USO1: variants seen among roughly 807,000 people sequenced by gnomAD.
USO1 encodes general vesicular transport factor p115.
A neutral mutation model predicts 124.5 loss-of-function variants in USO1; 57 were observed. That is an observed-to-expected ratio of 0.46 (90% CI 0.37 to 0.57). USO1 has a LOEUF of 0.57. Ranked by LOEUF, USO1 falls within the 20% of genes least tolerant of loss-of-function variation. The pLI, the probability that USO1 is intolerant of heterozygous loss-of-function variation, is 0.00. For synonymous variants in USO1, 369 were observed against 362.8 expected (o/e 1.02, Z -0.19); for missense variants, 900 against 1,040.6 (o/e 0.86, Z 1.86).
chr4:75,771,867 T>C (rs1486579777), intron 7 of USO1, among the ~76,000 whole-genome samples: 2 of 152,240 alleles, frequency 1.3e-5, no homozygotes, highest in East Asian at 3.8e-4. Context: ...ATATTTAAAA[T>C]AGCAATTAGA....
chr4:75,744,169 G>A (rs912041655), intron 1 of USO1, among the ~76,000 whole-genome samples: 44 of 152,204 alleles, frequency 2.9e-4, no homozygotes, highest in African/African-American at 1.0e-3. Flanking sequence ...TCTGAAGTTA[G>A]TTTATTATAA....
chr4:75,813,483 C>A lies in USO1; in HGVS notation c.*188C>A. Reference sequence around the variant, plus strand: ...ACCTTAAAACTGAATTTATGTAGAACACACATCTTTTATTTAAATCCATCT... The same window carrying A: ...ACCTTAAAACTGAATTTATGTAGAAAACACATCTTTTATTTAAATCCATCT... On this transcript the variant is annotated 3_prime_UTR_variant, in exon 24 of 24. Coordinates refer to ENST00000514213, the MANE Select transcript of USO1 (RefSeq NM_003715.4). 1 of 491,890 alleles carries A rather than the reference C, an allele frequency of 2.0e-6. No homozygotes were observed. Among genetic ancestry groups the A allele is most frequent in the Non-Finnish European group, 3.2e-6 (1 of 309,474 alleles). The allele number at this position is 491,890 out of a possible 1,614,324, so 30.5% of individuals were successfully genotyped here. A position where few individuals can be genotyped will look rare whatever the true frequency, so the allele number is the denominator to read the frequency against.
At chr4:75,794,040 G>A (rs1244058473) in intron 13 of USO1, 139 bp downstream of exon 13, 2 of 1,339,342 alleles carry the variant, frequency 1.5e-6, no homozygotes, top group Non-Finnish European at 2.0e-6. Context: ...ATCAGAAACA[G>A]TTTTGTGGAG....
At chr4:75,803,087 C>CAA (rs34627696) in intron 17 of USO1, among the ~76,000 whole-genome samples, 1,376 of 111,330 alleles carry the variant, frequency 0.012, 18 homozygotes, top group Non-Finnish European at 0.019. Flanking sequence ...AACTCTGTCT[C>CAA]AAAAAAAAAA....
chr4:75,775,097 T>A (rs1722037382), intron 8 of USO1, among the ~76,000 whole-genome samples: 1 of 152,182 alleles, frequency 6.6e-6, no homozygotes, highest in Admixed American at 6.5e-5. Flanking sequence ...CTTTTGCAGA[T>A]TTGGTGATAG....
chr4:75,757,878 ATTAT>A (rs1397645171), intron 4 of USO1, among the ~76,000 whole-genome samples: 1 of 152,100 alleles, frequency 6.6e-6, no homozygotes, highest in African/African-American at 2.4e-5. Context: ...GGATTAAATA[ATTAT>A]TTATGGCTAT....
chr4:75,759,658 C>T (rs569833048), intron 4 of USO1, among the ~76,000 whole-genome samples: 15 of 151,220 alleles, frequency 9.9e-5, no homozygotes, highest in African/African-American at 3.4e-4. Flanking sequence ...CCTGTAATCC[C>T]AGTACTTCGG....
rs144739614 is a variant in USO1 at position 75,805,127 on chromosome 4, G to T, written c.2126-13G>T. 1 of 1,549,340 alleles carries T rather than the reference G, an allele frequency of 6.5e-7. No individual in the cohort carries two copies. The highest frequency in any genetic ancestry group is 1.2e-5 in the South Asian group (1 of 81,336). Reference sequence around the variant, plus strand: ...TTCCCGTTGGCTTTTAAAATGTTATGTCTGTCTAACAGGAAAAGACAATCA... The same window carrying T: ...TTCCCGTTGGCTTTTAAAATGTTATTTCTGTCTAACAGGAAAAGACAATCA... On this transcript the variant is annotated splice_polypyrimidine_tract_variant and intron_variant, in intron 18 of 23. Coordinates refer to ENST00000514213, the MANE Select transcript of USO1 (RefSeq NM_003715.4).
At chr4:75,758,019 AT>A (rs899338057) in intron 4 of USO1, among the ~76,000 whole-genome samples, 81 of 152,032 alleles carry the variant, frequency 5.3e-4, no homozygotes, top group African/African-American at 1.8e-3. Context: ...TTAAATTTAG[AT>A]TTTTTTTCTT....
intron 3 of USO1, among the ~76,000 whole-genome samples, chr4:75,756,077 G>A (rs551221494): frequency 1.4e-4 from 22 of 151,914 alleles, no homozygotes; most frequent in African/African-American, 4.1e-4. Flanking sequence ...GGCTGAGGCA[G>A]GAGAATGGCA....
chr4:75,739,103 C>T (rs963703416), intron 1 of USO1, among the ~76,000 whole-genome samples: 3 of 152,086 alleles, frequency 2.0e-5, no homozygotes, highest in South Asian at 2.1e-4. Context: ...CCGCCCGCCT[C>T]GTCCTCCCAA....
chr4:75,741,760 A>T (rs1162894075), intron 1 of USO1, among the ~76,000 whole-genome samples: 1 of 151,974 alleles, frequency 6.6e-6, no homozygotes, highest in Non-Finnish European at 1.5e-5. Flanking sequence ...ACCTGCCATC[A>T]TGCCTGGCTA....
Position 75,805,171 on chromosome 4 carries a change from T to G in USO1, c.2157T>G (p.Ser719Arg), listed in dbSNP as rs779991378. 6.2e-7 allele frequency: 1 copy of G among 1,608,284 alleles called. No individual in the cohort carries two copies. The highest frequency in any genetic ancestry group is 1.1e-5 in the South Asian group (1 of 89,922). The stretch of plus-strand genomic sequence containing the variant: ...ACAATCAGCATCAAGGTTCTTACAG[T>G]GAGGGGGCTCAGATGAATGGCATTC... Reference protein sequence around the residue: ...GKDNQHQGSYSEGAQMNGIQP... With the variant: ...GKDNQHQGSYREGAQMNGIQP... Residue 719 changes from serine to arginine, a missense_variant, in exon 19 of 24, where the codon AGT (serine) becomes AGG (arginine). This residue lies in a region of USO1 where 362 missense variants were observed against 359.0 expected (regional missense o/e 1.01). Coordinates refer to ENST00000514213, the MANE Select transcript of USO1 (RefSeq NM_003715.4).
intron 3 of USO1, among the ~76,000 whole-genome samples, chr4:75,754,657 C>T (rs971294713): frequency 9.9e-5 from 15 of 152,132 alleles, no homozygotes; most frequent in South Asian, 2.1e-4. Context: ...TCCATTCAAG[C>T]GAGAAACTGG....
At chr4:75,761,645 CTCTTT>C (rs1721611700) in intron 4 of USO1, among the ~76,000 whole-genome samples, 2 of 152,184 alleles carry the variant, frequency 1.3e-5, no homozygotes, top group South Asian at 2.1e-4. Context: ...TCTCTCTAAT[CTCTTT>C]TAAGTTTCAT....
At position 75,735,589 on chromosome 4, in the gene USO1, C is replaced by T. The variant is rs148031698; in HGVS notation, c.66+10704C>T. 3.9e-5 allele frequency among the ~76,000 whole-genome samples: 6 copies of T among 152,168 alleles called. No individual in the cohort carries two copies. The East Asian group carries it at 1.2e-3, about 29-fold the overall frequency. On this transcript the variant is annotated intron_variant, in intron 1 of 23. Transcript: ENST00000514213. Reference sequence around the variant, plus strand: ...AGGCTGGAGTGCAGTGGTGTGATCACGTCTCACTTCAGCCTCAACCTCCTA... The same window carrying T: ...AGGCTGGAGTGCAGTGGTGTGATCATGTCTCACTTCAGCCTCAACCTCCTA...
At chr4:75,799,189 G>GT (rs199795058) in intron 13 of USO1, among the ~76,000 whole-genome samples, 17,265 of 149,384 alleles carry the variant, frequency 0.12, 1,121 homozygotes, top group Middle Eastern at 0.18. Context: ...TTTGTTTTTT[G>GT]GTTTTTTTTG....
In USO1 at chr4:75,799,920, C is replaced by G. The variant is rs182144491; in HGVS notation, c.1563+188C>G. 2.7e-4 allele frequency among the ~76,000 whole-genome samples: 41 copies of G among 151,044 alleles called. No individual in the cohort carries two copies. The East Asian group carries it at 6.8e-3, about 25-fold the overall frequency. ...TTGTGTGTGTGTGGTTTGTTTTATG[C>G]CGGGTTGGAATATATATATGAAATT... On this transcript the variant is annotated intron_variant, in intron 14 of 23. Coordinates refer to ENST00000514213, the MANE Select transcript of USO1 (RefSeq NM_003715.4).
intron 1 of USO1, chr4:75,730,108 G>T: frequency 4.5e-6 from 1 of 220,002 alleles, no homozygotes. Context: ...ATAATGATTT[G>T]TGTTTTGGTC....
Sources: gnomAD v4.1 joint callset for allele counts (sites outside exome capture counted in the v4.1 genomes callset) on GRCh38, gnomAD v4.1.1 for gene constraint, gnomAD v4.1.1 regional missense constraint, MANE v1.5 for transcripts, NCBI Gene and HGNC (gene_info 2026-07-23, HGNC 2026-07-21) for gene names.